The following CRADD variants were observed in gnomAD, a reference collection of about 807,000 sequenced individuals.
CRADD encodes the protein death domain-containing protein CRADD.
In CRADD, 9 loss-of-function variants were observed where a neutral mutation model predicts 15.5. That is an observed-to-expected ratio of 0.58 (90% CI 0.35 to 1.01). The LOEUF is 1.01. Ranked by LOEUF, CRADD falls within the 50% of genes least tolerant of loss-of-function variation. CRADD has a pLI of 0.02. For missense variants in CRADD, 227 were observed against 250.3 expected, an observed-to-expected ratio of 0.91 and a Z score of 0.63; for synonymous variants, 118 against 107.6, an observed-to-expected ratio of 1.10 and a Z score of -0.60.
intron 2 of CRADD, among the ~76,000 whole-genome samples, chr12:93,819,396 G>A (rs983218928): frequency 6.6e-6 from 1 of 152,222 alleles, no homozygotes; most frequent in Non-Finnish European, 1.5e-5. Context: ...ACTAAAAGTA[G>A]CCTTGAATAC....
chr12:93,872,293 T>C (rs192721333), intron 2 of CRADD, among the ~76,000 whole-genome samples: 1 of 152,286 alleles, frequency 6.6e-6, no homozygotes, highest in African/African-American at 2.4e-5. Flanking sequence ...AATCCTTATA[T>C]ATTCTTATTA....
intron 2 of CRADD, among the ~76,000 whole-genome samples, chr12:93,761,112 C>A (rs977041842): frequency 6.6e-6 from 1 of 152,074 alleles, no homozygotes; most frequent in Non-Finnish European, 1.5e-5. Flanking sequence ...ATTGAGGTGG[C>A]TCAGGCCATA....
At chr12:93,696,494 T>C (rs1955709594) in intron 2 of CRADD, among the ~76,000 whole-genome samples, 1 of 152,220 alleles carries the variant, frequency 6.6e-6, no homozygotes, top group Non-Finnish European at 1.5e-5. Context: ...AAAGGACAGA[T>C]ACCATATAAT....
chr12:93,862,359 C>G (rs11107223), intron 2 of CRADD, among the ~76,000 whole-genome samples: 5 of 152,132 alleles, frequency 3.3e-5, no homozygotes, highest in Admixed American at 6.5e-5. Flanking sequence ...GTAATCAAAG[C>G]GACATGACAC....
intron 2 of CRADD, among the ~76,000 whole-genome samples, chr12:93,747,817 A>G (rs570076428): frequency 3.9e-5 from 6 of 152,180 alleles, no homozygotes; most frequent in Admixed American, 3.3e-4. Flanking sequence ...CAGTGGTGTC[A>G]GGTGGCCTTA....
At chr12:93,723,107 T>C (rs73220804) in intron 2 of CRADD, among the ~76,000 whole-genome samples, 1 of 152,370 alleles carries the variant, frequency 6.6e-6, no homozygotes, top group Non-Finnish European at 1.5e-5. Flanking sequence ...TTCCTGGGCA[T>C]AGGCCAAACA....
At chr12:93,866,916 G>A (rs2137063199) in intron 2 of CRADD, among the ~76,000 whole-genome samples, 1 of 152,266 alleles carries the variant, frequency 6.6e-6, no homozygotes, top group Middle Eastern at 3.4e-3. Context: ...CTTCAACTGT[G>A]CCATGTATCC....
intron 2 of CRADD, among the ~76,000 whole-genome samples, chr12:93,860,499 A>G (rs941198763): frequency 2.0e-5 from 3 of 152,160 alleles, no homozygotes; most frequent in African/African-American, 4.8e-5. Context: ...GCCCCTTGCT[A>G]TGGAGAAAGA....
In CRADD at chr12:93,724,320, A is replaced by G. The variant is rs147909351; in HGVS notation, c.298+45248A>G. On this transcript the variant is annotated intron_variant, in intron 2 of 2. Transcript: ENST00000332896. Reference sequence around the variant, plus strand: ...CTTGAACCTAGGAGGTCAAGGCTGCAGAGAGCCCTGATCGTGCCACTGCAC... The same window carrying G: ...CTTGAACCTAGGAGGTCAAGGCTGCGGAGAGCCCTGATCGTGCCACTGCAC... Among the ~76,000 whole-genome samples the G allele has an allele frequency of 2.7e-3, 405 of 151,888 alleles. 3 individuals are homozygous for G. The highest frequency in any genetic ancestry group is 8.0e-3 in the African/African-American group (332 of 41,424).
intron 2 of CRADD, among the ~76,000 whole-genome samples, chr12:93,742,868 G>A (rs1956697308): frequency 1.3e-5 from 2 of 152,112 alleles, no homozygotes; most frequent in African/African-American, 2.4e-5. Flanking sequence ...AACAGGTTAT[G>A]CGCTGGGTCC....
chr12:93,818,036 C>T (rs1051627664), intron 2 of CRADD, among the ~76,000 whole-genome samples: 3 of 152,216 alleles, frequency 2.0e-5, no homozygotes, highest in African/African-American at 7.2e-5. Flanking sequence ...AAGGGATTCC[C>T]AGACCCAGAG....
At chr12:93,799,060 G>T (rs1325043542) in intron 2 of CRADD, among the ~76,000 whole-genome samples, 1 of 152,066 alleles carries the variant, frequency 6.6e-6, no homozygotes, top group Non-Finnish European at 1.5e-5. Flanking sequence ...GGGGAGAAAG[G>T]ACATGCATTT....
At chr12:93,785,776 T>C (rs1280474098) in intron 2 of CRADD, among the ~76,000 whole-genome samples, 1 of 152,166 alleles carries the variant, frequency 6.6e-6, no homozygotes, top group African/African-American at 2.4e-5. Flanking sequence ...AGTGAGAATC[T>C]GAGTAGCAGA....
chr12:93,748,676 C>T (rs906486521), intron 2 of CRADD, among the ~76,000 whole-genome samples: 5 of 152,148 alleles, frequency 3.3e-5, no homozygotes, highest in African/African-American at 1.2e-4. Flanking sequence ...AGCATGAAAG[C>T]CCCAAAGTGT....
chr12:93,888,000 A>C (rs1401612208), intron 2 of CRADD, among the ~76,000 whole-genome samples: 2 of 152,192 alleles, frequency 1.3e-5, no homozygotes, highest in Non-Finnish European at 2.9e-5. Context: ...CTGAGCTGAG[A>C]CCCAAAGGAT....
intron 2 of CRADD, among the ~76,000 whole-genome samples, chr12:93,835,606 C>A (rs1370291806): frequency 6.6e-6 from 1 of 152,138 alleles, no homozygotes; most frequent in Non-Finnish European, 1.5e-5. Flanking sequence ...CTATGTCTAT[C>A]ATTTTTCTCT....
intron 2 of CRADD, among the ~76,000 whole-genome samples, chr12:93,682,940 G>T (rs999261651): frequency 2.6e-5 from 4 of 152,120 alleles, no homozygotes; most frequent in Admixed American, 2.0e-4. Flanking sequence ...ATCCACCTTG[G>T]CACCGTGGAG....
chr12:93,858,087 T>C (rs1347494681), intron 2 of CRADD, among the ~76,000 whole-genome samples: 1 of 152,200 alleles, frequency 6.6e-6, no homozygotes, highest in African/African-American at 2.4e-5. Flanking sequence ...CTGTCTGTTA[T>C]CTATTGTCAA....
At chr12:93,869,523 A>G (rs1176063564) in intron 2 of CRADD, among the ~76,000 whole-genome samples, 1 of 152,220 alleles carries the variant, frequency 6.6e-6, no homozygotes, top group East Asian at 1.9e-4. Context: ...TACAGGAAAC[A>G]ATAGGTGTAA....
Sources: allele counts gnomAD v4.1 joint callset (sites outside exome capture counted in the v4.1 genomes callset), GRCh38; gene constraint gnomAD v4.1.1; transcripts MANE v1.5; gene names NCBI Gene and HGNC (gene_info 2026-07-23, HGNC 2026-07-21).